LARGE1: variants seen among roughly 807,000 people sequenced by gnomAD.
The protein encoded by LARGE1 is xylosyl- and glucuronyltransferase LARGE1.
LARGE1 carries 43 observed loss-of-function variants against 87.6 expected under a neutral mutation model. The observed-to-expected ratio is 0.49, with a 90% CI of 0.38 to 0.63. The LOEUF is 0.63. LARGE1 is among the 30% of genes least tolerant of loss of function. LARGE1 has a pLI of 0.00. For missense variants in LARGE1, 802 were observed against 1,000.2 expected, an observed-to-expected ratio of 0.80 and a Z score of 2.67; for synonymous variants, 434 against 394.6, an observed-to-expected ratio of 1.10 and a Z score of -1.18.
intron 2 of LARGE1, among the ~76,000 whole-genome samples, chr22:33,738,212 T>C (rs2083730615): frequency 6.6e-6 from 1 of 152,142 alleles, no homozygotes. Context: ...ATAAAGCCCA[T>C]TCTGGGAAAA....
intron 6 of LARGE1, among the ~76,000 whole-genome samples, chr22:33,466,208 C>T (rs573122046): frequency 3.5e-4 from 53 of 152,246 alleles, no homozygotes; most frequent in East Asian, 1.2e-3. Flanking sequence ...TCATGGTCAG[C>T]GCCTTTCTGT....
chr22:33,090,288 A>T, the LARGE1 span, among the ~76,000 whole-genome samples: 2 of 152,212 alleles, frequency 1.3e-5, no homozygotes, highest in Admixed American at 6.5e-5. Flanking sequence ...GGTGAGTTGG[A>T]CAATAAATAA....
At chr22:33,523,083 C>A (rs984407736) in intron 6 of LARGE1, among the ~76,000 whole-genome samples, 3 of 151,970 alleles carry the variant, frequency 2.0e-5, no homozygotes, top group African/African-American at 4.8e-5. Context: ...CGGCTCACTG[C>A]AACCTCTGCC....
intron 1 of LARGE1, among the ~76,000 whole-genome samples, chr22:33,807,108 T>C (rs900048643): frequency 6.6e-6 from 1 of 152,126 alleles, no homozygotes; most frequent in Non-Finnish European, 1.5e-5. Flanking sequence ...AACAAGTCAT[T>C]AAAAGCAAAG....
At chr22:33,608,539 C>G (rs962133775) in intron 4 of LARGE1, among the ~76,000 whole-genome samples, 4 of 152,210 alleles carry the variant, frequency 2.6e-5, no homozygotes, top group African/African-American at 7.2e-5. Context: ...CTCCTTGTCC[C>G]TACTGTGAGA....
chr22:33,856,233 G>C (rs1326172965), intron 1 of LARGE1, among the ~76,000 whole-genome samples: 3 of 152,188 alleles, frequency 2.0e-5, no homozygotes, highest in African/African-American at 7.2e-5. Flanking sequence ...CCAGTTCTCA[G>C]GGGGCCATGC....
At chr22:33,534,215 C>T (rs994100812) in intron 6 of LARGE1, among the ~76,000 whole-genome samples, 2 of 151,840 alleles carry the variant, frequency 1.3e-5, no homozygotes, top group African/African-American at 2.4e-5. Context: ...CCATCCTGGC[C>T]AGCACGGTGA....
chr22:33,106,599 G>A, the LARGE1 span, among the ~76,000 whole-genome samples: 1 of 151,976 alleles, frequency 6.6e-6, no homozygotes, highest in Non-Finnish European at 1.5e-5. Context: ...AGGTTGAAGC[G>A]ATTCTCCTGC....
At chr22:33,490,436 A>G (rs1459282000) in intron 6 of LARGE1, among the ~76,000 whole-genome samples, 1 of 152,148 alleles carries the variant, frequency 6.6e-6, no homozygotes, top group African/African-American at 2.4e-5. Flanking sequence ...GTGCATGTAA[A>G]GTGTTTAGCC....
intron 6 of LARGE1, among the ~76,000 whole-genome samples, chr22:33,455,020 C>A (rs1477444753): frequency 6.6e-6 from 1 of 152,160 alleles, no homozygotes; most frequent in African/African-American, 2.4e-5. Flanking sequence ...AAAAGCAATC[C>A]ACAGATAAGG....
chr22:33,652,862 G>A (rs183757914), intron 2 of LARGE1, among the ~76,000 whole-genome samples: 3 of 152,206 alleles, frequency 2.0e-5, no homozygotes, highest in Admixed American at 2.0e-4. Context: ...AAACGCCTAA[G>A]TGCCTGGTCT....
At chr22:33,318,590 C>T (rs1433266020) in intron 10 of LARGE1, among the ~76,000 whole-genome samples, 2 of 151,962 alleles carry the variant, frequency 1.3e-5, no homozygotes, top group Admixed American at 6.6e-5. Context: ...CACACCGGGG[C>T]CTGTTGTGGG....
At chr22:33,570,999 C>A (rs570043207) in intron 5 of LARGE1, among the ~76,000 whole-genome samples, 3 of 152,178 alleles carry the variant, frequency 2.0e-5, no homozygotes, top group East Asian at 3.9e-4. Flanking sequence ...GAGTAATATC[C>A]CACCATGTTG....
downstream of LARGE1, among the ~76,000 whole-genome samples, chr22:33,271,801 T>C (rs1256435144): frequency 1.3e-5 from 2 of 152,216 alleles, no homozygotes; most frequent in African/African-American, 2.4e-5. Flanking sequence ...AGCCTCTCTG[T>C]TGAAGTTGGG....
intron 1 of LARGE1, among the ~76,000 whole-genome samples, chr22:33,822,184 C>A (rs9621774): frequency 0.032 from 4,811 of 152,248 alleles, 143 homozygotes; most frequent in East Asian, 0.11. Context: ...TTGGGAGCTA[C>A]AAACATGTCT....
the LARGE1 span, among the ~76,000 whole-genome samples, chr22:33,066,697 T>C: frequency 6.6e-6 from 1 of 152,152 alleles, no homozygotes; most frequent in South Asian, 2.1e-4. Flanking sequence ...TATTCAGATA[T>C]GATTGACATG....
In LARGE1 at chr22:33,509,778, A is replaced by C. The variant is rs549145908; in HGVS notation, c.787+55070T>G. Among the ~76,000 whole-genome samples the C allele has an allele frequency of 2.0e-5, 3 of 152,292 alleles. No individual in the cohort carries two copies. In the East Asian group the frequency reaches 5.8e-4, roughly 29 times the overall value. Reference sequence around the variant, plus strand: ...TTTATAAATGTTCTGTGTTTTTATAAATGATCTGTGTTTTGCCCAAACCTA... The same window carrying C: ...TTTATAAATGTTCTGTGTTTTTATACATGATCTGTGTTTTGCCCAAACCTA... On this transcript the variant is annotated intron_variant, in intron 6 of 14. Coordinates refer to ENST00000397394, the MANE Select transcript of LARGE1 (RefSeq NM_133642.5).
At chr22:33,710,811 C>A (rs1342120010) in intron 2 of LARGE1, among the ~76,000 whole-genome samples, 1 of 152,114 alleles carries the variant, frequency 6.6e-6, no homozygotes, top group Non-Finnish European at 1.5e-5. Flanking sequence ...TTCTTTAAAA[C>A]CAGGGGCACA....
intron 6 of LARGE1, among the ~76,000 whole-genome samples, chr22:33,485,218 CTTT>C (rs35927122): frequency 9.7e-6 from 1 of 103,150 alleles, no homozygotes. Flanking sequence ...CGGTCTGAGT[CTTT>C]TTTTTTTTTT....
Sources: allele counts gnomAD v4.1 joint callset (sites outside exome capture counted in the v4.1 genomes callset), GRCh38; gene constraint gnomAD v4.1.1; transcripts MANE v1.5; gene names NCBI Gene and HGNC (gene_info 2026-07-23, HGNC 2026-07-21).